SLC15A2: variants seen among roughly 807,000 people sequenced by gnomAD.
SLC15A2 encodes the protein kidney H(+)/peptide cotransporter.
A neutral mutation model predicts 95.5 loss-of-function variants in SLC15A2; 77 were observed. That is an observed-to-expected ratio of 0.81 (90% CI 0.67 to 0.97). The LOEUF (loss-of-function observed/expected upper bound fraction) is 0.97. SLC15A2 is among the 50% of genes least tolerant of loss of function. The pLI is 0.00. For synonymous variants in SLC15A2, 306 were observed against 306.9 expected (o/e 1.00, Z 0.03); for missense variants, 893 against 874.4 (o/e 1.02, Z -0.27).
At chr3:121,917,112 G>A (rs920042340) in intron 7 of SLC15A2, among the ~76,000 whole-genome samples, 2 of 152,046 alleles carry the variant, frequency 1.3e-5, no homozygotes, top group Non-Finnish European at 2.9e-5. Context: ...GAGCCACCAC[G>A]CCCAGCCAAT....
At chr3:121,937,207 T>G (rs1710364990) in intron 19 of SLC15A2, among the ~76,000 whole-genome samples, 1 of 76,730 alleles carries the variant, frequency 1.3e-5, no homozygotes, top group African/African-American at 5.3e-5. Flanking sequence ...ATTTTTTCCT[T>G]CATTTCAACT....
chr3:121,906,981 G>T (rs1709661727), intron 3 of SLC15A2, among the ~76,000 whole-genome samples: 1 of 152,138 alleles, frequency 6.6e-6, no homozygotes, highest in South Asian at 2.1e-4. Context: ...TCAATTTCAG[G>T]TACACCAATC....
At chr3:121,920,886 T>C (rs1709992750) in intron 7 of SLC15A2, among the ~76,000 whole-genome samples, 1 of 152,158 alleles carries the variant, frequency 6.6e-6, no homozygotes, top group Non-Finnish European at 1.5e-5. Flanking sequence ...TAGCAGAGGA[T>C]CTACTAGAGG....
chr3:121,909,769 T>G (rs1229439177), intron 3 of SLC15A2, among the ~76,000 whole-genome samples: 1 of 152,102 alleles, frequency 6.6e-6, no homozygotes, highest in Non-Finnish European at 1.5e-5. Context: ...GCTTTGAATG[T>G]GGCCCAGTAC....
chr3:121,915,046 T>C lies in SLC15A2; in HGVS notation c.529-181T>C, dbSNP rs1709857914. ...GCTGCTCTGGAGTTTGAAAGGTGAG[T>C]AAATGATTGGGGTCAGCCAGCAATG... is the stretch of plus-strand genomic sequence containing the variant. On this transcript the variant is annotated intron_variant, in intron 5 of 21. Transcript: ENST00000489711. 6 of 1,321,334 alleles carry C rather than the reference T, an allele frequency of 4.5e-6. No homozygotes were observed. In the East Asian group the frequency reaches 1.4e-4, roughly 31 times the overall value. 81.9% of individuals were successfully genotyped at this position (1,321,334 alleles called of 1,614,324 possible).
intron 4 of SLC15A2, among the ~76,000 whole-genome samples, chr3:121,911,925 C>T (rs530773286): frequency 2.2e-4 from 34 of 152,084 alleles, no homozygotes; most frequent in Admixed American, 7.9e-4. Flanking sequence ...CCTACATATT[C>T]CCTCACCTTT....
chr3:121,917,351 A>G (rs1709915852), intron 7 of SLC15A2, among the ~76,000 whole-genome samples: 2 of 152,192 alleles, frequency 1.3e-5, no homozygotes, highest in Non-Finnish European at 2.9e-5. Context: ...GATCTAGGAA[A>G]GTACAGAGAG....
intron 19 of SLC15A2, among the ~76,000 whole-genome samples, chr3:121,934,473 C>T (rs1265046921): frequency 2.0e-5 from 3 of 151,820 alleles, no homozygotes; most frequent in Non-Finnish European, 4.4e-5. Context: ...TGAAGAGGTC[C>T]TTCACATCCC....
Position 121,927,828 on chromosome 3 carries a change from A to C in SLC15A2, c.1195A>C (p.Ile399Leu). 1 of 1,612,228 alleles carries C rather than the reference A, an allele frequency of 6.2e-7. No individual in the cohort carries two copies. Among genetic ancestry groups the C allele is most frequent in the Non-Finnish European group, 8.5e-7 (1 of 1,178,242 alleles). ...LAFAVAAAVE[I>L]KINEMAPAQP... ...ATTTGCAGTTGCGGCAGCTGTAGAG[A>C]TAAAAATAAATGTGAGTTCAGTAAT... The change falls in exon 14 of 22, where the codon ATA becomes CTA. Residue 399 changes from isoleucine to leucine, a missense_variant. Coordinates refer to ENST00000489711, the MANE Select transcript of SLC15A2 (RefSeq NM_021082.4).
chr3:121,928,865 G>A (rs1302768900), intron 15 of SLC15A2, 117 bp from the exon 16 acceptor site: 1 of 1,109,986 alleles, frequency 9.0e-7, no homozygotes, highest in East Asian at 2.4e-5. Context: ...GTTAAAGAAA[G>A]GAATTACTAG....
In SLC15A2 at chr3:121,900,959, G is replaced by T. The variant is rs1433965613; in HGVS notation, c.335+3430G>T. Among the ~76,000 whole-genome samples the T allele has an allele frequency of 3.3e-5, 5 of 149,390 alleles. 1 individual carries two copies. In the South Asian group the frequency reaches 1.0e-3, roughly 31 times the overall value. ...TATATATTTTTCCCCACCCACCCCA[G>T]TCATTTATATATTATATGAATGTAT... On this transcript the variant is annotated intron_variant, in intron 3 of 21. Coordinates refer to ENST00000489711, the MANE Select transcript of SLC15A2 (RefSeq NM_021082.4).
chr3:121,904,942 A>G (rs1401750068), intron 3 of SLC15A2, among the ~76,000 whole-genome samples: 1 of 152,056 alleles, frequency 6.6e-6, no homozygotes, highest in Non-Finnish European at 1.5e-5. Flanking sequence ...CCCTCTTTCT[A>G]CCTCTGGTAG....
chr3:121,927,135 G>A (rs761367512), intron 13 of SLC15A2, among the ~76,000 whole-genome samples: 22 of 152,176 alleles, frequency 1.4e-4, no homozygotes, highest in Admixed American at 7.9e-4. Context: ...CTTTGGACTT[G>A]GAACTTTTGA....
intron 1 of SLC15A2, chr3:121,895,190 A>C (rs3805132): frequency 0.9 from 136,911 of 152,202 alleles, 61,624 homozygotes; most frequent in Admixed American, 0.93. Flanking sequence ...GAGTTCTTAC[A>C]GTGGGCCAAA....
chr3:121,943,076 G>GCCAA lies in SLC15A2; in HGVS notation c.*2071_*2074dup, dbSNP rs1710489501. 6.6e-6 allele frequency: 1 copy of GCCAA among 152,040 alleles called. No individual in the cohort carries two copies. Among genetic ancestry groups the GCCAA allele is most frequent in the Non-Finnish European group, 1.5e-5 (1 of 68,036 alleles). 9.4% of individuals were successfully genotyped at this position (152,040 alleles called of 1,614,324 possible). ...AGGTCAGGAGTTCGAGACCAGCCTG[G>GCCAA]CCAACATGGTGAAACCGTGTCTCTA... On this transcript the variant is annotated 3_prime_UTR_variant, in exon 22 of 22. Transcript: ENST00000489711.
At chr3:121,915,595 C>T (rs1310384047) in intron 6 of SLC15A2, 21 bp from the exon 7 acceptor site, 1 of 1,585,576 alleles carries the variant, frequency 6.3e-7, no homozygotes, top group African/African-American at 1.3e-5. Context: ...TACTTTCCTC[C>T]TCCCATCCCA....
intron 19 of SLC15A2, among the ~76,000 whole-genome samples, chr3:121,934,719 T>C (rs1300396536): frequency 2.0e-5 from 3 of 150,888 alleles, no homozygotes; most frequent in African/African-American, 7.4e-5. Context: ...ATAGGGACAA[T>C]TTGACTTCCT....
At chr3:121,919,761 T>C (rs572843494) in intron 7 of SLC15A2, among the ~76,000 whole-genome samples, 1 of 152,342 alleles carries the variant, frequency 6.6e-6, no homozygotes, top group Non-Finnish European at 1.5e-5. Context: ...ATAGTATTTA[T>C]AGTTGGAAGG....
At chr3:121,908,829 A>T (rs1709706512) in intron 3 of SLC15A2, among the ~76,000 whole-genome samples, 1 of 152,090 alleles carries the variant, frequency 6.6e-6, no homozygotes, top group South Asian at 2.1e-4. Context: ...GGAATGCTGG[A>T]TTATGAGTTA....
Sources: gnomAD v4.1 joint callset for allele counts (sites outside exome capture counted in the v4.1 genomes callset) on GRCh38, gnomAD v4.1.1 for gene constraint, MANE v1.5 for transcripts, NCBI Gene and HGNC (gene_info 2026-07-23, HGNC 2026-07-21) for gene names.